Variants in NELL1 observed in about 807,000 individuals in gnomAD.
NELL1 encodes neural EGFL like 1, also known as protein kinase C-binding protein NELL1.
In NELL1, 76 loss-of-function variants were observed where a neutral mutation model predicts 107.4. The observed-to-expected ratio is 0.71, with a 90% CI of 0.59 to 0.86. The LOEUF (loss-of-function observed/expected upper bound fraction) is 0.86. NELL1 is among the 40% of genes least tolerant of loss of function. The pLI is 0.00. For missense variants in NELL1, 1,024 were observed against 1,005.5 expected (o/e 1.02, Z -0.25); for synonymous variants, 353 against 341.2 (o/e 1.03, Z -0.38).
chr11:21,113,512 T>A (rs1590648775), intron 12 of NELL1, 77 bp from the exon 13 acceptor site: 8 of 1,434,238 alleles, frequency 5.6e-6, no homozygotes, highest in South Asian at 2.6e-5. Flanking sequence ...TTATCTTTTT[T>A]AATTTATCTG....
intron 3 of NELL1, among the ~76,000 whole-genome samples, chr11:20,786,195 C>G (rs1257064234): frequency 6.6e-6 from 1 of 151,704 alleles, no homozygotes; most frequent in African/African-American, 2.4e-5. Flanking sequence ...ACTTAAAATA[C>G]AAAAATTAGC....
intron 15 of NELL1, among the ~76,000 whole-genome samples, chr11:21,484,382 T>C (rs1244590226): frequency 6.6e-6 from 1 of 151,974 alleles, no homozygotes; most frequent in African/African-American, 2.4e-5. Flanking sequence ...ACTTTTACAA[T>C]AAAGGTATTT....
chr11:20,962,867 A>G (rs1354872969), intron 12 of NELL1, among the ~76,000 whole-genome samples: 1 of 152,018 alleles, frequency 6.6e-6, no homozygotes, highest in South Asian at 2.1e-4. Flanking sequence ...GCTCCAGGGG[A>G]TGTGTTCTTG....
At chr11:20,767,066 A>G (rs763518023) in intron 2 of NELL1, among the ~76,000 whole-genome samples, 1 of 152,092 alleles carries the variant, frequency 6.6e-6, no homozygotes, top group Non-Finnish European at 1.5e-5. Flanking sequence ...TTGATCAATC[A>G]CGATAGTCTG....
intron 13 of NELL1, among the ~76,000 whole-genome samples, chr11:21,213,079 A>G (rs1217207625): frequency 6.6e-6 from 1 of 152,222 alleles, no homozygotes; most frequent in Non-Finnish European, 1.5e-5. Context: ...TGTAGAAACT[A>G]GAATTAAGCA....
chr11:20,738,060 C>G (rs1285548083), intron 2 of NELL1, among the ~76,000 whole-genome samples: 1 of 50,728 alleles, frequency 2.0e-5, no homozygotes, highest in Admixed American at 3.2e-4. Flanking sequence ...GAAAAACACC[C>G]AGAATCATCT....
At chr11:20,799,600 G>T (rs1427127577) in intron 3 of NELL1, among the ~76,000 whole-genome samples, 1 of 152,102 alleles carries the variant, frequency 6.6e-6, no homozygotes, top group African/African-American at 2.4e-5. Flanking sequence ...GGAGTGAATT[G>T]GTAGTTCACC....
In NELL1 at chr11:21,293,103, T is replaced by C. The variant is rs530230081; in HGVS notation, c.1549+63649T>C. Among the ~76,000 whole-genome samples, 559 of 152,246 alleles carry C rather than the reference T, an allele frequency of 3.7e-3. 2 individuals are homozygous for C. Among genetic ancestry groups the C allele is most frequent in the Non-Finnish European group, 6.5e-3 (440 of 68,030 alleles). ...GGATCTAAATAAACTGAAGAGCTTC[T>C]GCACAGCATAAGAAACTATCATCGG... On this transcript the variant is annotated intron_variant, in intron 14 of 19. Transcript: ENST00000357134.
chr11:20,934,348 T>C (rs184974665), intron 9 of NELL1, among the ~76,000 whole-genome samples: 9 of 152,308 alleles, frequency 5.9e-5, no homozygotes, highest in Non-Finnish European at 7.4e-5. Context: ...CAGTAATATG[T>C]TGATCTCATT....
chr11:21,129,959 GA>G (rs1280310626), intron 13 of NELL1, among the ~76,000 whole-genome samples: 3 of 152,042 alleles, frequency 2.0e-5, no homozygotes, highest in African/African-American at 7.2e-5. Flanking sequence ...AAACATTGGG[GA>G]AAAAATGCCA....
At chr11:20,919,399 G>C (rs909473188) in intron 7 of NELL1, 65 bp downstream of exon 7, 34 of 1,007,714 alleles carry the variant, frequency 3.4e-5, no homozygotes, top group African/African-American at 1.6e-5. Context: ...AATTTGGAGT[G>C]ATATGTTATA....
chr11:21,372,882 C>T (rs1851388541), intron 15 of NELL1, among the ~76,000 whole-genome samples: 1 of 151,956 alleles, frequency 6.6e-6, no homozygotes, highest in African/African-American at 2.4e-5. Context: ...GTCCTTTGTC[C>T]TTTTCTCTGC....
intron 15 of NELL1, among the ~76,000 whole-genome samples, chr11:21,391,052 A>G (rs1211008004): frequency 3.3e-5 from 5 of 151,794 alleles, no homozygotes; most frequent in African/African-American, 9.7e-5. Flanking sequence ...GGAAGGGTGC[A>G]TAGAAACTAA....
At chr11:21,573,918 T>C (rs1483902234) in intron 19 of NELL1, among the ~76,000 whole-genome samples, 1 of 151,722 alleles carries the variant, frequency 6.6e-6, no homozygotes, top group Non-Finnish European at 1.5e-5. Context: ...ATTATCAGAG[T>C]GCCTAAGGTG....
intron 2 of NELL1, among the ~76,000 whole-genome samples, chr11:20,692,448 C>A (rs1304691455): frequency 6.6e-6 from 1 of 151,816 alleles, no homozygotes; most frequent in Non-Finnish European, 1.5e-5. Flanking sequence ...CCTCTCCACA[C>A]TGCTTTGAAT....
intron 13 of NELL1, among the ~76,000 whole-genome samples, chr11:21,130,978 T>C (rs1171897461): frequency 6.6e-6 from 1 of 152,110 alleles, no homozygotes; most frequent in African/African-American, 2.4e-5. Flanking sequence ...CGAGATTATC[T>C]GAGGATATTT....
intron 14 of NELL1, among the ~76,000 whole-genome samples, chr11:21,333,832 C>G (rs965838576): frequency 9.2e-5 from 14 of 152,146 alleles, no homozygotes; most frequent in African/African-American, 3.1e-4. Context: ...AAAATTGGCT[C>G]TTTTCTTGTT....
At chr11:20,897,860 A>G (rs527814584) in intron 5 of NELL1, among the ~76,000 whole-genome samples, 59 of 152,320 alleles carry the variant, frequency 3.9e-4, no homozygotes, top group African/African-American at 1.4e-3. Context: ...AATCAAAACC[A>G]CAATGAGATA....
chr11:21,069,073 G>A (rs1162142350), intron 12 of NELL1, among the ~76,000 whole-genome samples: 1 of 152,088 alleles, frequency 6.6e-6, no homozygotes, highest in African/African-American at 2.4e-5. Context: ...CACTCCATTT[G>A]GCTCTTGTAA....
Sources: allele counts gnomAD v4.1 joint callset (sites outside exome capture counted in the v4.1 genomes callset), GRCh38; gene constraint gnomAD v4.1.1; transcripts MANE v1.5; gene names NCBI Gene and HGNC (gene_info 2026-07-23, HGNC 2026-07-21).